Variants in TRIOBP observed in about 807,000 individuals in gnomAD.
TRIOBP encodes the protein TRIO and F-actin-binding protein.
Under a neutral mutation model 238.8 loss-of-function variants are expected in TRIOBP, and 169 were observed. The ratio of observed to expected loss-of-function variants is 0.71; its 90% CI spans 0.62 to 0.80. The LOEUF (loss-of-function observed/expected upper bound fraction) is 0.80. TRIOBP is among the 30% of genes least tolerant of loss of function. The pLI, the probability that TRIOBP is intolerant of heterozygous loss-of-function variation, is 0.00. For synonymous variants in TRIOBP, 1,150 were observed against 1,274.4 expected, an observed-to-expected ratio of 0.90 and a Z score of 2.08; for missense variants, 2,838 against 3,122.6, an observed-to-expected ratio of 0.91 and a Z score of 2.17.
chr22:37,703,023 GTCTC>G (rs1215848437), intron 3 of TRIOBP, among the ~76,000 whole-genome samples: 1 of 151,220 alleles, frequency 6.6e-6, no homozygotes, highest in Non-Finnish European at 1.5e-5. Context: ...TTGAGACGGA[GTCTC>G]TCTCTGTCGC....
At position 37,715,806 on chromosome 22, in the gene TRIOBP, G is replaced by T; in HGVS notation, c.500G>T (p.Trp167Leu). ...VERQEEEAPS[W>L]DELAVMIPRR... ...AGGCAGGAGGAGGAGGCCCCCAGCT[G>T]GGACGAGCTCGCAGTGATGATCCCG... Residue 167 changes from tryptophan (W) to leucine (L), a missense_variant, in exon 6 of 24, where the codon TGG becomes TTG. Physicochemically the swap from Trp to Leu is moderately conservative, Grantham distance 61. This residue lies in a region of TRIOBP where 535 missense variants were observed against 537.3 expected (regional missense o/e 1.00). Transcript: ENST00000644935. 6.2e-7 allele frequency: 1 copy of T among 1,614,094 alleles called. No homozygotes were observed. The highest frequency in any genetic ancestry group is 8.5e-7 in the Non-Finnish European group (1 of 1,180,012).
chr22:37,713,618 G>A (rs1410063120), intron 5 of TRIOBP, among the ~76,000 whole-genome samples: 1 of 152,226 alleles, frequency 6.6e-6, no homozygotes, highest in African/African-American at 2.4e-5. Context: ...GGGCAGCTGG[G>A]GTCTGGCTGT....
At chr22:37,713,558 C>A in intron 5 of TRIOBP, 147 bp downstream of exon 5, 1 of 1,028,928 alleles carries the variant, frequency 9.7e-7, no homozygotes, top group Non-Finnish European at 1.5e-6. Context: ...GCAGCTCGGG[C>A]CACCCCGGCG....
At position 37,726,076 on chromosome 22, in the gene TRIOBP, T is replaced by C; in HGVS notation, c.3520T>C (p.Phe1174Leu). 1 of 1,589,932 alleles carries C rather than the reference T, an allele frequency of 6.3e-7. No individual in the cohort carries two copies. The highest frequency in any genetic ancestry group is 8.6e-7 in the Non-Finnish European group (1 of 1,168,660). Residue 1174 changes from phenylalanine to leucine, a missense_variant, in exon 7 of 24, where the codon TTC becomes CTC. By Grantham distance (22) the Phe-to-Leu change is conservative. Coordinates refer to ENST00000644935, the MANE Select transcript of TRIOBP (RefSeq NM_001039141.3). ...CATTGGGCACCGGGATGCACCCTCC[T>C]TCTCATCCCCACCACGCCAGGCTCC... ...VCIGHRDAPS[F>L]SSPPRQAPEP...
In TRIOBP at chr22:37,757,885, G is replaced by T; in HGVS notation, c.5960G>T (p.Arg1987Leu). 2 of 1,553,334 alleles carry T rather than the reference G, an allele frequency of 1.3e-6. No individual in the cohort carries two copies. Among genetic ancestry groups the T allele is most frequent in the Admixed American group, 1.9e-5 (1 of 51,326 alleles). ...CTGGCCCAGCGCTCCGAGGAGCGGC[G>T]CAAGTGGTTTGAGGCCACAGACAGC... ...RDLAQRSEER[R>L]KWFEATDSRT... The change falls in exon 16 of 24, where the codon CGC becomes CTC. Residue 1987 changes from arginine to leucine, a missense_variant. This residue lies in a region of TRIOBP where 2,096 missense variants were observed against 2,137.4 expected (regional missense o/e 0.98). Transcript: ENST00000644935.
intron 6 of TRIOBP, among the ~76,000 whole-genome samples, chr22:37,716,621 G>C (rs1311774320): frequency 6.6e-6 from 1 of 152,024 alleles, no homozygotes; most frequent in Non-Finnish European, 1.5e-5. Context: ...GTAGAGACAG[G>C]GTTTCACCAT....
intron 19 of TRIOBP, 28 bp from the exon 20 acceptor site, chr22:37,769,000 G>T (rs765687993): frequency 1.9e-6 from 3 of 1,612,850 alleles, no homozygotes; most frequent in Non-Finnish European, 8.5e-7. Flanking sequence ...GACAACCTAT[G>T]CTCTCCTCTG....
chr22:37,743,291 C>T (rs553082263), intron 11 of TRIOBP, among the ~76,000 whole-genome samples: 24 of 152,346 alleles, frequency 1.6e-4, no homozygotes, highest in African/African-American at 5.5e-4. Context: ...AGCCTGGAGT[C>T]GAGTTCTGGC....
intron 21 of TRIOBP, 127 bp downstream of exon 21, chr22:37,769,502 T>A (rs933277335): frequency 2.2e-6 from 2 of 919,624 alleles, no homozygotes; most frequent in East Asian, 5.2e-5. Context: ...TGGGCCAGCC[T>A]GACTAGGCTA....
At chr22:37,758,563 C>T (rs1270232881) in intron 16 of TRIOBP, among the ~76,000 whole-genome samples, 1 of 152,082 alleles carries the variant, frequency 6.6e-6, no homozygotes, top group African/African-American at 2.4e-5. Context: ...GGAGCCCCAG[C>T]TACTTGAGAG....
chr22:37,741,491 G>A (rs892174607), intron 11 of TRIOBP, among the ~76,000 whole-genome samples: 3 of 152,242 alleles, frequency 2.0e-5, no homozygotes, highest in Non-Finnish European at 2.9e-5. Flanking sequence ...CAAGCCTCTG[G>A]CTGGGTTTTC....
intron 11 of TRIOBP, among the ~76,000 whole-genome samples, 178 bp downstream of exon 11, chr22:37,741,210 C>T (rs1302804951): frequency 6.6e-6 from 1 of 152,152 alleles, no homozygotes. Context: ...TCTCAGCAAG[C>T]GAGTGGGTTT....
At chr22:37,764,978 A>T (rs1351857687) in intron 17 of TRIOBP, among the ~76,000 whole-genome samples, 1 of 152,172 alleles carries the variant, frequency 6.6e-6, no homozygotes, top group East Asian at 1.9e-4. Flanking sequence ...CCAGGGAGGT[A>T]AAGTTGCCAA....
chr22:37,739,338 G>A (rs770468643), intron 10 of TRIOBP, among the ~76,000 whole-genome samples: 1 of 152,162 alleles, frequency 6.6e-6, no homozygotes, highest in South Asian at 2.1e-4. Flanking sequence ...TGGGGGAGGA[G>A]GAGACAGACT....
Position 37,725,328 on chromosome 22 carries a change from A to G in TRIOBP, c.2772A>G (p.Pro924=). Residue 924 remains proline, a synonymous_variant, in exon 7 of 24, where the codon CCA becomes CCG. Coordinates refer to ENST00000644935, the MANE Select transcript of TRIOBP (RefSeq NM_001039141.3). ...TQSDGPRTSS[P]SRSKQSEVPW... Reference sequence around the variant, plus strand: ...GTGATGGTCCCCGAACCTCTTCCCCATCTCGCTCCAAGCAAAGCGAGGTTC... The same window carrying G: ...GTGATGGTCCCCGAACCTCTTCCCCGTCTCGCTCCAAGCAAAGCGAGGTTC... 6.2e-7 allele frequency: 1 copy of G among 1,613,022 alleles called. No homozygotes were observed. Among genetic ancestry groups the G allele is most frequent in the East Asian group, 2.2e-5 (1 of 44,828 alleles).
chr22:37,732,981 C>T (rs1601638055), intron 7 of TRIOBP, among the ~76,000 whole-genome samples: 1 of 152,200 alleles, frequency 6.6e-6, no homozygotes, highest in African/African-American at 2.4e-5. Context: ...GGTGGTTAGT[C>T]ATAGGAAGTA....
In TRIOBP at chr22:37,746,039, G is replaced by A. The variant is rs1478276099; in HGVS notation, c.5322+5007G>A. 3.0e-4 allele frequency among the ~76,000 whole-genome samples: 9 copies of A among 30,066 alleles called. No individual in the cohort carries two copies. In the Admixed American group the frequency reaches 3.0e-3, roughly 10 times the overall value. The allele number at this position is 30,066 out of a possible 152,430, so 19.7% of individuals were successfully genotyped here. A position where few individuals can be genotyped will look rare whatever the true frequency, so the allele number is the denominator to read the frequency against. Reference sequence around the variant, plus strand: ...CCCTCCCTTCCCTGCGGCCCCATCCGCCCACCCCGCCGTCCCGCCGTCCCG... The same window carrying A: ...CCCTCCCTTCCCTGCGGCCCCATCCACCCACCCCGCCGTCCCGCCGTCCCG... On this transcript the variant is annotated intron_variant, in intron 11 of 23. Coordinates refer to ENST00000644935, the MANE Select transcript of TRIOBP (RefSeq NM_001039141.3).
chr22:37,751,914 GGC>G, intron 12 of TRIOBP, 86 bp downstream of exon 12: 1 of 1,416,888 alleles, frequency 7.1e-7, no homozygotes, highest in Non-Finnish European at 9.8e-7. Flanking sequence ...GTGGGGCTGG[GGC>G]TGGTGTGAGA....
At chr22:37,741,866 T>A (rs1412295700) in intron 11 of TRIOBP, among the ~76,000 whole-genome samples, 1 of 152,198 alleles carries the variant, frequency 6.6e-6, no homozygotes, top group East Asian at 1.9e-4. Context: ...CTGTGGAGAC[T>A]CAGGGCTGCA....
Sources: gnomAD v4.1 joint callset for allele counts (sites outside exome capture counted in the v4.1 genomes callset) on GRCh38, gnomAD v4.1.1 for gene constraint, gnomAD v4.1.1 regional missense constraint, MANE v1.5 for transcripts, NCBI Gene and HGNC (gene_info 2026-07-23, HGNC 2026-07-21) for gene names.